Variants in ATP8A2 observed in about 807,000 individuals in gnomAD.
ATP8A2 encodes the protein ATPase phospholipid transporting 8A2.
Under a neutral mutation model 165.6 loss-of-function variants are expected in ATP8A2, and 100 were observed. The observed-to-expected ratio is 0.60, with a 90% CI of 0.51 to 0.71. The LOEUF (loss-of-function observed/expected upper bound fraction) is 0.71. ATP8A2 is among the 30% of genes least tolerant of loss of function. The pLI is 0.00. For synonymous variants in ATP8A2, 543 were observed against 548.8 expected (o/e 0.99, Z 0.15); for missense variants, 1,227 against 1,479.5 (o/e 0.83, Z 2.80).
chr13:25,387,196 C>T (rs2033086758), intron 1 of ATP8A2, among the ~76,000 whole-genome samples: 1 of 152,150 alleles, frequency 6.6e-6, no homozygotes, highest in Non-Finnish European at 1.5e-5. Flanking sequence ...ATTTCCAGGG[C>T]AGCGGTGAGC....
At chr13:25,990,495 G>A (rs966762485) in intron 35 of ATP8A2, among the ~76,000 whole-genome samples, 3 of 152,122 alleles carry the variant, frequency 2.0e-5, no homozygotes, top group Non-Finnish European at 4.4e-5. Flanking sequence ...CCCAGGCCAA[G>A]GGAAAGCATA....
intron 8 of ATP8A2, among the ~76,000 whole-genome samples, chr13:25,540,925 G>C (rs897283388): frequency 6.6e-6 from 1 of 150,664 alleles, no homozygotes; most frequent in Non-Finnish European, 1.5e-5. Context: ...GCAGTGATGC[G>C]ACCTCGGCTT....
Position 26,020,333 on chromosome 13 carries a change from A to C in ATP8A2, c.*348A>C, listed in dbSNP as rs773741649. 4.6e-5 allele frequency: 11 copies of C among 240,530 alleles called. No individual in the cohort carries two copies. The highest frequency in any genetic ancestry group is 8.8e-5 in the Non-Finnish European group (11 of 125,162). 14.9% of individuals were successfully genotyped at this position (240,530 alleles called of 1,614,324 possible). ...AGTTGTCCTGGGAGAAAGGGAAAGG[A>C]GTTTTATGTTGCGTGAGAGGCCCAT... On this transcript the variant is annotated 3_prime_UTR_variant, in exon 37 of 37. Transcript: ENST00000381655.
At chr13:25,774,210 C>A (rs1041414760) in intron 26 of ATP8A2, among the ~76,000 whole-genome samples, 9 of 152,150 alleles carry the variant, frequency 5.9e-5, no homozygotes, top group Non-Finnish European at 1.3e-4. Context: ...ACACATACAC[C>A]ATGGAATACT....
intron 35 of ATP8A2, among the ~76,000 whole-genome samples, chr13:25,990,636 G>A (rs1474685997): frequency 2.0e-5 from 3 of 152,150 alleles, no homozygotes; most frequent in Non-Finnish European, 4.4e-5. Context: ...GGGTCCTTGC[G>A]TTTATTGTAT....
intron 1 of ATP8A2, among the ~76,000 whole-genome samples, chr13:25,392,447 T>C (rs2033281111): frequency 6.6e-6 from 1 of 152,198 alleles, no homozygotes; most frequent in Non-Finnish European, 1.5e-5. Context: ...CTCTCCACTG[T>C]TGATCTTCAG....
At position 25,372,781 on chromosome 13, in the gene ATP8A2, G is replaced by A. The variant is rs575846514; in HGVS notation, c.76+493G>A. Among the ~76,000 whole-genome samples, 276 of 152,302 alleles carry A rather than the reference G, an allele frequency of 1.8e-3. 1 individual carries two copies. The highest frequency in any genetic ancestry group is 3.3e-3 in the Non-Finnish European group (223 of 68,004). On this transcript the variant is annotated intron_variant, in intron 1 of 36. Transcript: ENST00000381655. This position sits in a 1 kb window ranked among gnomAD's most constrained non-coding sequence, Gnocchi z 4.8. ...TCCCTCGAGTGATTCTCACCACTTG[G>A]AGCCCCGGGTCCTCGCGCGCTCACA...
intron 33 of ATP8A2, among the ~76,000 whole-genome samples, chr13:25,946,700 G>A (rs192609287): frequency 6.6e-6 from 1 of 152,074 alleles, no homozygotes; most frequent in East Asian, 1.9e-4. Flanking sequence ...GCTAGTTTTA[G>A]GTAAAAATAA....
intron 25 of ATP8A2, among the ~76,000 whole-genome samples, chr13:25,745,736 G>A (rs946204025): frequency 6.6e-6 from 1 of 152,170 alleles, no homozygotes; most frequent in Non-Finnish European, 1.5e-5. Context: ...TGAAATAAAG[G>A]CCAGGATTGG....
At chr13:25,930,029 C>A (rs527696029) in intron 33 of ATP8A2, among the ~76,000 whole-genome samples, 11 of 152,262 alleles carry the variant, frequency 7.2e-5, no homozygotes, top group African/African-American at 2.6e-4. Context: ...TGCTGCCCCA[C>A]GTGCCTTTGC....
At chr13:25,898,465 CG>C (rs1410179519) in intron 33 of ATP8A2, among the ~76,000 whole-genome samples, 1 of 152,194 alleles carries the variant, frequency 6.6e-6, no homozygotes, top group African/African-American at 2.4e-5. Flanking sequence ...TTAGGCTACT[CG>C]GGGGTCAGGG....
chr13:25,839,521 A>ACTCCCTTGGTTTGTTTTTCCTTAGGTTTT, intron 29 of ATP8A2, 25 bp from the exon 30 acceptor site: 1 of 1,594,714 alleles, frequency 6.3e-7, no homozygotes, highest in South Asian at 1.1e-5. Context: ...GCAGCTCCTG[A>ACTCCCTTGGTTTGTTTTTCCTTAGGTTTT]CTCCCTTGGT....
chr13:25,490,412 T>C (rs1479133895), intron 2 of ATP8A2, among the ~76,000 whole-genome samples: 1 of 152,194 alleles, frequency 6.6e-6, no homozygotes, highest in African/African-American at 2.4e-5. Flanking sequence ...GCTGCTGTCC[T>C]CCAGGAGCCT....
intron 24 of ATP8A2, among the ~76,000 whole-genome samples, chr13:25,596,245 C>T (rs940787801): frequency 2.0e-5 from 3 of 152,130 alleles, no homozygotes; most frequent in African/African-American, 7.2e-5. Flanking sequence ...ACAGACTTGG[C>T]TTTAATAGGC....
intron 24 of ATP8A2, among the ~76,000 whole-genome samples, chr13:25,614,711 T>C (rs1012547009): frequency 2.6e-5 from 4 of 152,180 alleles, no homozygotes; most frequent in Non-Finnish European, 5.9e-5. Flanking sequence ...GATGTGGTGC[T>C]CTCCGCCTTT....
At chr13:26,003,782 T>C (rs1252021058) in intron 35 of ATP8A2, among the ~76,000 whole-genome samples, 1 of 152,212 alleles carries the variant, frequency 6.6e-6, no homozygotes, top group Non-Finnish European at 1.5e-5. Flanking sequence ...TGCTGCTTTT[T>C]CTTCATTGTG....
intron 33 of ATP8A2, among the ~76,000 whole-genome samples, chr13:25,868,830 G>T (rs527531874): frequency 2.6e-5 from 4 of 152,028 alleles, no homozygotes; most frequent in Non-Finnish European, 5.9e-5. Context: ...AGCACTTTGG[G>T]AGGCCTGGGT....
intron 33 of ATP8A2, among the ~76,000 whole-genome samples, chr13:25,873,557 C>A (rs551758870): frequency 6.6e-6 from 1 of 151,992 alleles, no homozygotes; most frequent in East Asian, 1.9e-4. Flanking sequence ...AACCTCTCAC[C>A]TTTGTGTCCT....
chr13:26,005,196 G>A (rs1160771781), intron 35 of ATP8A2, among the ~76,000 whole-genome samples: 1 of 151,838 alleles, frequency 6.6e-6, no homozygotes, highest in East Asian at 1.9e-4. Flanking sequence ...AAGTGTCTAG[G>A]AACTTAACAT....
Sources: allele counts gnomAD v4.1 joint callset (sites outside exome capture counted in the v4.1 genomes callset), GRCh38; gene constraint gnomAD v4.1.1; non-coding constraint Gnocchi (gnomAD v3.1); transcripts MANE v1.5; gene names NCBI Gene and HGNC (gene_info 2026-07-23, HGNC 2026-07-21).